Variants in AGBL3 observed in about 807,000 individuals in gnomAD.
The protein encoded by AGBL3 is cytosolic carboxypeptidase 3.
Under a neutral mutation model 94.5 loss-of-function variants are expected in AGBL3, and 68 were observed. The ratio of observed to expected loss-of-function variants is 0.72; its 90% CI spans 0.59 to 0.88. The LOEUF (loss-of-function observed/expected upper bound fraction) is 0.88. AGBL3 is among the 40% of genes least tolerant of loss of function. AGBL3 has a pLI of 0.00. For synonymous variants in AGBL3, 354 were observed against 370.7 expected (o/e 0.95, Z 0.52); for missense variants, 934 against 1,103.8 (o/e 0.85, Z 2.18).
At chr7:135,080,593 A>G (rs555219554) in intron 14 of AGBL3, among the ~76,000 whole-genome samples, 2 of 152,272 alleles carry the variant, frequency 1.3e-5, no homozygotes, top group African/African-American at 2.4e-5. Context: ...AGGGAAAGGC[A>G]TTTATGTTTT....
intron 16 of AGBL3, among the ~76,000 whole-genome samples, chr7:135,123,921 ACCAG>A (rs1827496179): frequency 6.6e-6 from 1 of 152,192 alleles, no homozygotes; most frequent in East Asian, 1.9e-4. Flanking sequence ...AAAAACCAGT[ACCAG>A]CCACTGCAAA....
At chr7:134,992,821 T>G (rs1201453437) in intron 3 of AGBL3, among the ~76,000 whole-genome samples, 2 of 152,180 alleles carry the variant, frequency 1.3e-5, no homozygotes, top group Non-Finnish European at 1.5e-5. Flanking sequence ...AAAAGCCACA[T>G]TTCAGAGGTG....
At chr7:135,077,146 G>T (rs752911908) in intron 13 of AGBL3, among the ~76,000 whole-genome samples, 13 of 148,108 alleles carry the variant, frequency 8.8e-5, no homozygotes, top group African/African-American at 3.0e-4. Flanking sequence ...TATCCCAGGA[G>T]GGGGAGGATA....
chr7:135,033,101 AT>A, intron 6 of AGBL3, 119 bp downstream of exon 6: 1 of 1,027,362 alleles, frequency 9.7e-7, no homozygotes, highest in Non-Finnish European at 1.3e-6. Flanking sequence ...TATGGATACT[AT>A]TAATAATTAG....
intron 12 of AGBL3, among the ~76,000 whole-genome samples, chr7:135,068,128 G>A (rs1177949790): frequency 1.3e-5 from 2 of 152,202 alleles, no homozygotes; most frequent in Non-Finnish European, 2.9e-5. Flanking sequence ...CTGGAAGAAA[G>A]GGTATCAGTG....
intron 15 of AGBL3, chr7:135,093,137 T>A (rs1321759141): frequency 1.3e-5 from 2 of 150,702 alleles, no homozygotes; most frequent in East Asian, 3.9e-4. Flanking sequence ...AAGACAGGGA[T>A]ATTCACTCTC....
intron 4 of AGBL3, among the ~76,000 whole-genome samples, chr7:135,005,232 TTA>T (rs1812235088): frequency 1.3e-5 from 2 of 151,808 alleles, no homozygotes; most frequent in African/African-American, 4.8e-5. Context: ...GAATTCCTTT[TTA>T]GTTTTGAGGT....
chr7:134,996,598 T>C (rs1811045550), intron 4 of AGBL3, among the ~76,000 whole-genome samples: 1 of 152,232 alleles, frequency 6.6e-6, no homozygotes, highest in Admixed American at 6.5e-5. Context: ...TATATTAGTC[T>C]CCTTTTTTAT....
intron 15 of AGBL3, chr7:135,101,212 C>T (rs1251835180): frequency 1.3e-5 from 6 of 456,228 alleles, no homozygotes; most frequent in South Asian, 7.7e-5. Flanking sequence ...AAAGTGACAT[C>T]CCTGCAGTCT....
chr7:135,060,300 T>C (rs1179711372), intron 12 of AGBL3, among the ~76,000 whole-genome samples: 8 of 152,212 alleles, frequency 5.3e-5, no homozygotes, highest in African/African-American at 1.9e-4. Flanking sequence ...ATATATTTAT[T>C]GTATATGACA....
Position 135,076,460 on chromosome 7 carries a change from G to C in AGBL3, c.1972G>C (p.Gly658Arg). Residue 658 changes from glycine (G) to arginine (R), a missense_variant, in exon 13 of 17, where the codon GGA becomes CGA. Gly to Arg is a moderately radical substitution (Grantham distance 125, BLOSUM62 -2). Transcript: ENST00000436302. ...CATAGCAAGCCACCAAAATGCCAGA[G>C]GACAAGAGGTAAATCTTCATTAATC... ...STIASHQNAR[G>R]QEVYDRGHLL... 1 of 1,546,292 alleles carries C rather than the reference G, an allele frequency of 6.5e-7. No homozygotes were observed. The highest frequency in any genetic ancestry group is 1.2e-5 in the South Asian group (1 of 83,862).
intron 13 of AGBL3, among the ~76,000 whole-genome samples, chr7:135,079,400 T>C (rs1820733475): frequency 6.6e-6 from 1 of 152,168 alleles, no homozygotes; most frequent in Admixed American, 6.6e-5. Context: ...ATCAATTATA[T>C]ATATGAAGAG....
At chr7:135,055,265 A>G (rs993120387) in intron 11 of AGBL3, among the ~76,000 whole-genome samples, 30 of 152,298 alleles carry the variant, frequency 2.0e-4, no homozygotes, top group African/African-American at 7.2e-4. Flanking sequence ...TAAGTGCTGA[A>G]CCATATTATA....
chr7:135,026,055 C>T (rs1046861674), intron 5 of AGBL3, among the ~76,000 whole-genome samples: 1 of 151,384 alleles, frequency 6.6e-6, no homozygotes, highest in African/African-American at 2.4e-5. Flanking sequence ...AAACTGGACA[C>T]TTGAGCAACT....
intron 7 of AGBL3, among the ~76,000 whole-genome samples, chr7:135,036,926 C>CTT (rs143901673): frequency 0.44 from 66,825 of 150,634 alleles, 15,312 homozygotes; most frequent in East Asian, 0.78. Flanking sequence ...TGCATGCAGA[C>CTT]TTTTTTTTTA....
chr7:135,080,223 G>A lies in AGBL3; in HGVS notation c.2001G>A (p.Leu667=), dbSNP rs1208109963. 1.5e-5 allele frequency: 24 copies of A among 1,549,484 alleles called. No individual in the cohort carries two copies. The highest frequency in any genetic ancestry group is 1.9e-5 in the Non-Finnish European group (22 of 1,145,316). Reference sequence around the variant, plus strand: ...ATTAGGTTTATGATAGAGGGCATTTGCTGCAAAGACACACACAATCAAATT... The same window carrying A: ...ATTAGGTTTATGATAGAGGGCATTTACTGCAAAGACACACACAATCAAATT... ...RGQEVYDRGH[L]LQRHTQSNSD... The change falls in exon 14 of 17, where the codon TTG becomes TTA. Residue 667 remains leucine, a synonymous_variant. Transcript: ENST00000436302.
At chr7:135,075,499 G>C (rs1164868081) in intron 12 of AGBL3, among the ~76,000 whole-genome samples, 2 of 152,112 alleles carry the variant, frequency 1.3e-5, no homozygotes, top group Non-Finnish European at 2.9e-5. Flanking sequence ...AGAACATGTG[G>C]GTTGTTTTCA....
In AGBL3 at chr7:135,049,156, A is replaced by G. The variant is rs532289438; in HGVS notation, c.1841+3245A>G. 1.1e-4 allele frequency among the ~76,000 whole-genome samples: 17 copies of G among 152,010 alleles called. No individual in the cohort carries two copies. In the South Asian group the frequency reaches 1.9e-3, roughly 17 times the overall value. On this transcript the variant is annotated intron_variant, in intron 11 of 16. Transcript: ENST00000436302. The stretch of plus-strand genomic sequence containing the variant: ...TGAGGAAAGGATGTTGAATTTTGTC[A>G]GGTGCTTTTTCTCTATTGAGAGGAT...
chr7:135,103,191 T>C (rs1824117870), intron 15 of AGBL3, among the ~76,000 whole-genome samples: 1 of 152,144 alleles, frequency 6.6e-6, no homozygotes, highest in South Asian at 2.1e-4. Context: ...CCTGCCTAGA[T>C]TTTCTGCTTA....
Sources: gnomAD v4.1 joint callset for allele counts (sites outside exome capture counted in the v4.1 genomes callset) on GRCh38, gnomAD v4.1.1 for gene constraint, MANE v1.5 for transcripts, NCBI Gene and HGNC (gene_info 2026-07-23, HGNC 2026-07-21) for gene names.